Variants in FAM163A observed in about 807,000 individuals in gnomAD.
The protein encoded by FAM163A is family with sequence similarity 163 member A.
A neutral mutation model predicts 12.0 loss-of-function variants in FAM163A; 7 were observed. The observed-to-expected ratio is 0.58, with a 90% CI of 0.33 to 1.10. The LOEUF is 1.10. Among genes scored for constraint, FAM163A ranks in the 50% least tolerant of loss-of-function variants. The pLI is 0.03. For missense variants in FAM163A, 202 were observed against 218.6 expected (o/e 0.92, Z 0.48); for synonymous variants, 101 against 91.0 (o/e 1.11, Z -0.62).
intron 1 of FAM163A, among the ~76,000 whole-genome samples, chr1:179,777,042 A>G (rs1416322252): frequency 2.0e-5 from 3 of 152,240 alleles, no homozygotes; most frequent in Non-Finnish European, 4.4e-5. Context: ...TGTAGCATGC[A>G]TCAGAATGCC....
intron 1 of FAM163A, among the ~76,000 whole-genome samples, chr1:179,762,032 G>A (rs1010258447): frequency 2.6e-5 from 4 of 152,092 alleles, no homozygotes; most frequent in Non-Finnish European, 5.9e-5. Flanking sequence ...CTACTGAAAG[G>A]GTGCTGCTTA....
At chr1:179,739,447 C>G (rs1683379454), upstream of FAM163A, among the ~76,000 whole-genome samples, 1 of 152,212 alleles carries the variant, frequency 6.6e-6, no homozygotes, top group Non-Finnish European at 1.5e-5. Flanking sequence ...ACTCATGGCC[C>G]ACTGGCCACA....
the FAM163A span, among the ~76,000 whole-genome samples, chr1:179,731,369 C>T: frequency 1.3e-5 from 2 of 152,000 alleles, no homozygotes; most frequent in East Asian, 3.8e-4. Context: ...CAGATGACAG[C>T]GAACAAACCA....
chr1:179,778,840 A>G lies in FAM163A; in HGVS notation c.-135-28958A>G, dbSNP rs544452584. The stretch of plus-strand genomic sequence containing the variant: ...TAGTGGGGCTGGGTGCAACCCACCT[A>G]GTAACAATGTTTCTTCAAACACTGT... On this transcript the variant is annotated intron_variant, in intron 1 of 4. Transcript: ENST00000341785. Among the ~76,000 whole-genome samples, 122 of 152,334 alleles carry G rather than the reference A, an allele frequency of 8.0e-4. 1 individual carries two copies. Among genetic ancestry groups the G allele is most frequent in the African/African-American group, 2.9e-3 (119 of 41,580 alleles).
chr1:179,737,287 A>G, the FAM163A span, among the ~76,000 whole-genome samples: 1 of 152,268 alleles, frequency 6.6e-6, no homozygotes, highest in African/African-American at 2.4e-5. Flanking sequence ...TTCCACTTAC[A>G]TAAGGTATCT....
chr1:179,764,774 C>G (rs11580185), intron 1 of FAM163A, among the ~76,000 whole-genome samples: 60,938 of 151,928 alleles, frequency 0.4, 13,022 homozygotes, highest in African/African-American at 0.51. Flanking sequence ...CCCAGCTCTG[C>G]AACACATCCC....
chr1:179,795,078 TG>T (rs1692085869), intron 1 of FAM163A, among the ~76,000 whole-genome samples: 1 of 151,958 alleles, frequency 6.6e-6, no homozygotes, highest in Non-Finnish European at 1.5e-5. Context: ...AGAAGGGGGA[TG>T]GGAGAGGGCT....
intron 1 of FAM163A, among the ~76,000 whole-genome samples, chr1:179,791,526 G>A (rs1452335192): frequency 1.4e-5 from 2 of 144,898 alleles, no homozygotes; most frequent in Non-Finnish European, 3.0e-5. Context: ...AGGCTCCTAA[G>A]GGGTACAGTC....
intron 1 of FAM163A, among the ~76,000 whole-genome samples, chr1:179,772,067 C>T (rs1688360780): frequency 6.6e-6 from 1 of 152,300 alleles, no homozygotes; most frequent in South Asian, 2.1e-4. Context: ...CTGAACATCT[C>T]TCCTGCTCTT....
intron 1 of FAM163A, among the ~76,000 whole-genome samples, chr1:179,796,057 A>G (rs1692264348): frequency 6.7e-6 from 1 of 149,916 alleles, no homozygotes; most frequent in Non-Finnish European, 1.5e-5. Flanking sequence ...GTTGCCCTTG[A>G]CTTTTCTGCA....
chr1:179,784,683 C>G (rs1443420799), intron 1 of FAM163A, among the ~76,000 whole-genome samples: 1 of 152,152 alleles, frequency 6.6e-6, no homozygotes, highest in Non-Finnish European at 1.5e-5. Context: ...GAAAAATAGA[C>G]TAACATTTGC....
chr1:179,795,622 A>G lies in FAM163A; in HGVS notation c.-135-12176A>G, dbSNP rs149324769. 1.8e-4 allele frequency among the ~76,000 whole-genome samples: 27 copies of G among 152,320 alleles called. No individual in the cohort carries two copies. The East Asian group carries it at 3.9e-3, about 22-fold the overall frequency. ...TGAGCGAAATAAGCTTCTGTTCTAC[A>G]TAAATGACGTAGTCTCTTATATGCT... On this transcript the variant is annotated intron_variant, in intron 1 of 4. Coordinates refer to ENST00000341785, the MANE Select transcript of FAM163A (RefSeq NM_173509.3).
intron 1 of FAM163A, among the ~76,000 whole-genome samples, chr1:179,748,362 ACCC>A (rs1365423045): frequency 6.6e-6 from 1 of 152,126 alleles, no homozygotes; most frequent in African/African-American, 2.4e-5. Context: ...GGCTGCCAGA[ACCC>A]AGCAAGGAGA....
At chr1:179,777,533 G>A (rs1047545709) in intron 1 of FAM163A, among the ~76,000 whole-genome samples, 2 of 152,172 alleles carry the variant, frequency 1.3e-5, no homozygotes, top group African/African-American at 4.8e-5. Context: ...CGGTTCTGAT[G>A]TGCTGCTGCA....
intron 1 of FAM163A, among the ~76,000 whole-genome samples, chr1:179,763,357 T>C (rs997254879): frequency 6.6e-6 from 1 of 152,218 alleles, no homozygotes; most frequent in African/African-American, 2.4e-5. Context: ...AAATCATCCT[T>C]ATGCCAAAGA....
intron 1 of FAM163A, among the ~76,000 whole-genome samples, chr1:179,751,186 A>C (rs1024500172): frequency 2.0e-5 from 3 of 152,120 alleles, no homozygotes; most frequent in African/African-American, 7.2e-5. Context: ...GTTAGTCATC[A>C]ACATCTAGGG....
intron 1 of FAM163A, among the ~76,000 whole-genome samples, chr1:179,763,441 C>G (rs1279769112): frequency 1.3e-5 from 2 of 152,188 alleles, no homozygotes; most frequent in African/African-American, 4.8e-5. Context: ...CTGACTGTAG[C>G]ATTACAGAGC....
In FAM163A at chr1:179,779,959, C is replaced by T. The variant is rs549380533; in HGVS notation, c.-135-27839C>T. Among the ~76,000 whole-genome samples the T allele has an allele frequency of 2.0e-5, 3 of 152,280 alleles. 1 individual carries two copies. In the South Asian group the frequency reaches 6.2e-4, roughly 32 times the overall value. ...AGGTTGTTTTGAGCTTTATGTTAGA[C>T]AATATGAAAACACTATAAAACTATA... is the stretch of plus-strand genomic sequence containing the variant. On this transcript the variant is annotated intron_variant, in intron 1 of 4. Transcript: ENST00000341785.
intron 1 of FAM163A, among the ~76,000 whole-genome samples, chr1:179,777,355 A>T (rs1438310076): frequency 6.6e-6 from 1 of 151,928 alleles, no homozygotes; most frequent in East Asian, 1.9e-4. Context: ...TTGATGCAAA[A>T]CTCTTTTGTC....
Sources: allele counts gnomAD v4.1 joint callset (sites outside exome capture counted in the v4.1 genomes callset), GRCh38; gene constraint gnomAD v4.1.1; transcripts MANE v1.5; gene names NCBI Gene and HGNC (gene_info 2026-07-23, HGNC 2026-07-21).